NOC3L: variants seen among roughly 807,000 people sequenced by gnomAD.
NOC3L encodes the protein nucleolar complex protein 3 homolog.
NOC3L carries 85 observed loss-of-function variants against 102.5 expected under a neutral mutation model. The ratio of observed to expected loss-of-function variants is 0.83; its 90% CI spans 0.70 to 0.99. The LOEUF is 0.99. Ranked by LOEUF, NOC3L falls within the 50% of genes least tolerant of loss-of-function variation. NOC3L has a pLI of 0.00. For synonymous variants in NOC3L, 303 were observed against 309.4 expected (o/e 0.98, Z 0.22); for missense variants, 878 against 914.9 (o/e 0.96, Z 0.52).
At chr10:94,328,009 G>GA in the NOC3L span, 6 of 531,170 alleles carry the variant, frequency 1.1e-5, no homozygotes, top group South Asian at 8.4e-5. Flanking sequence ...GAACATGGTG[G>GA]AAAAAATATA....
chr10:94,335,698 G>C (rs2054210312), intron 19 of NOC3L, among the ~76,000 whole-genome samples: 1 of 152,132 alleles, frequency 6.6e-6, no homozygotes, highest in Non-Finnish European at 1.5e-5. Context: ...GTGAATTTCA[G>C]ATGAATTCTT....
chr10:94,353,104 A>G, intron 6 of NOC3L, 47 bp from the exon 7 acceptor site: 1 of 1,498,392 alleles, frequency 6.7e-7, no homozygotes, highest in Non-Finnish European at 9.1e-7. Context: ...TGACGAAACA[A>G]TTATGAACAA....
chr10:94,324,996 C>G, the NOC3L span: 20 of 1,614,220 alleles, frequency 1.2e-5, no homozygotes, highest in Non-Finnish European at 1.4e-5. Flanking sequence ...CTTCTCAGCT[C>G]TTGACCTCAG....
rs1339803701 is a variant in NOC3L at position 94,333,746 on chromosome 10, T to C, written c.*431A>G. The C allele has an allele frequency of 1.3e-5, 2 of 152,350 alleles. No individual in the cohort carries two copies. Among genetic ancestry groups the C allele is most frequent in the African/African-American group, 2.4e-5 (1 of 41,448 alleles). 9.4% of individuals were successfully genotyped at this position (152,350 alleles called of 1,614,324 possible). Reference sequence around the variant, plus strand: ...ATGCTTCTCATTTCCATCCACAGTATTGAAATAAAAATATTTAAAGAGTAT... The same window carrying C: ...ATGCTTCTCATTTCCATCCACAGTACTGAAATAAAAATATTTAAAGAGTAT... On this transcript the variant is annotated 3_prime_UTR_variant, in exon 21 of 21. Coordinates refer to ENST00000371361, the MANE Select transcript of NOC3L (RefSeq NM_022451.11).
intron 6 of NOC3L, among the ~76,000 whole-genome samples, chr10:94,353,851 G>A (rs1160417702): frequency 2.0e-5 from 3 of 152,016 alleles, no homozygotes; most frequent in Non-Finnish European, 4.4e-5. Flanking sequence ...AATTAATCAG[G>A]AATTACATGT....
chr10:94,353,559 T>C (rs1205010188), intron 6 of NOC3L, among the ~76,000 whole-genome samples: 2 of 152,110 alleles, frequency 1.3e-5, no homozygotes, highest in African/African-American at 4.8e-5. Context: ...CCCTATAATC[T>C]AAACACCTCC....
Position 94,353,158 on chromosome 10 carries a change from AATGACTCC to A in NOC3L, c.697-109_697-102del, listed in dbSNP as rs1364459433. The A allele has an allele frequency of 2.8e-5, 26 of 920,184 alleles. No individual in the cohort carries two copies. The Admixed American group carries it at 5.7e-4, about 20-fold the overall frequency. 57.0% of individuals were successfully genotyped at this position (920,184 alleles called of 1,614,324 possible). On this transcript the variant is annotated intron_variant, in intron 6 of 20. Transcript: ENST00000371361. ...CCGGCAAAACAAGCGGAATTCACAC[AATGACTCC>A]AAGTCTAGTCATGCCACACCAAACT...
the NOC3L span, among the ~76,000 whole-genome samples, chr10:94,318,903 C>A: frequency 1.3e-5 from 2 of 152,228 alleles, no homozygotes; most frequent in East Asian, 3.9e-4. Context: ...CAAAAATTAG[C>A]AGGGCGTGGT....
intron 10 of NOC3L, 124 bp downstream of exon 10, chr10:94,349,126 A>G (rs1239950536): frequency 1.9e-6 from 2 of 1,030,228 alleles, no homozygotes; most frequent in African/African-American, 3.4e-5. Flanking sequence ...TTGACATGTT[A>G]AACACTTAAG....
chr10:94,318,218 A>T, the NOC3L span, among the ~76,000 whole-genome samples: 1 of 152,250 alleles, frequency 6.6e-6, no homozygotes, highest in South Asian at 2.1e-4. Flanking sequence ...CTAATTGCTA[A>T]GACAGAGACC....
chr10:94,355,160 T>C, intron 5 of NOC3L, 67 bp from the exon 6 acceptor site: 2 of 1,357,022 alleles, frequency 1.5e-6, no homozygotes, highest in South Asian at 1.5e-5. Flanking sequence ...CTTAATAAAA[T>C]ATTTTTACAG....
At chr10:94,354,092 C>T (rs1006695460) in intron 6 of NOC3L, among the ~76,000 whole-genome samples, 1 of 152,116 alleles carries the variant, frequency 6.6e-6, no homozygotes, top group East Asian at 1.9e-4. Flanking sequence ...TGAGAGAATA[C>T]ACATAAGAAA....
At chr10:94,362,063 C>T in intron 1 of NOC3L, 191 bp from the exon 2 acceptor site, 1 of 649,110 alleles carries the variant, frequency 1.5e-6, no homozygotes, top group South Asian at 1.6e-5. Flanking sequence ...ATCAGTTATT[C>T]AATCCCAATT....
downstream of NOC3L, chr10:94,329,807 A>AAAAAC (rs2054137732): frequency 4.0e-5 from 6 of 150,054 alleles, no homozygotes; most frequent in African/African-American, 9.9e-5. Flanking sequence ...AAAAAAAAAA[A>AAAAAC]AAAACACCAT....
intron 12 of NOC3L, 41 bp from the exon 13 acceptor site, chr10:94,344,556 G>T: frequency 7.2e-7 from 1 of 1,391,088 alleles, no homozygotes; most frequent in Non-Finnish European, 1.0e-6. Flanking sequence ...GGATAACCTG[G>T]TATGCTTTCT....
rs753042942 is a variant in NOC3L at position 94,356,515 on chromosome 10, T to G, written c.565+20A>C. On this transcript the variant is annotated intron_variant, in intron 5 of 20. Coordinates refer to ENST00000371361, the MANE Select transcript of NOC3L (RefSeq NM_022451.11). ...AAAAAATTCTCAATTAACAATTTAG[T>G]AACTGTAAAGACATATTACCTTCCT... 1 of 1,474,540 alleles carries G rather than the reference T, an allele frequency of 6.8e-7. No homozygotes were observed. The highest frequency in any genetic ancestry group is 1.4e-5 in the African/African-American group (1 of 71,824). The allele number at this position is 1,474,540 out of a possible 1,614,324, so 91.3% of individuals were successfully genotyped here.
At chr10:94,349,407 G>A (rs1440162065) in intron 9 of NOC3L, 29 bp from the exon 10 acceptor site, 14 of 1,563,696 alleles carry the variant, frequency 9.0e-6, no homozygotes, top group Middle Eastern at 1.7e-4. Context: ...TACTTAACCA[G>A]TGTTTCTCAA....
the NOC3L span, chr10:94,322,200 C>G: frequency 1.2e-6 from 1 of 816,972 alleles, no homozygotes; most frequent in East Asian, 2.6e-5. Flanking sequence ...CCTCTTAAGG[C>G]TGGGAAATTG....
At chr10:94,362,647 G>C (rs910690815) in intron 1 of NOC3L, among the ~76,000 whole-genome samples, 183 bp downstream of exon 1, 6 of 152,202 alleles carry the variant, frequency 3.9e-5, no homozygotes, top group Non-Finnish European at 4.4e-5. Flanking sequence ...GTGATACTCT[G>C]AAGTGGTGCG....
Sources: allele counts gnomAD v4.1 joint callset (sites outside exome capture counted in the v4.1 genomes callset), GRCh38; gene constraint gnomAD v4.1.1; transcripts MANE v1.5; gene names NCBI Gene and HGNC (gene_info 2026-07-23, HGNC 2026-07-21).